ROBO2: variants seen among roughly 807,000 people sequenced by gnomAD.
ROBO2 encodes the protein roundabout guidance receptor 2, also known as roundabout homolog 2.
ROBO2 carries 53 observed loss-of-function variants against 160.8 expected under a neutral mutation model. The observed-to-expected ratio is 0.33, with a 90% CI of 0.26 to 0.41. ROBO2 has a LOEUF of 0.41. Among genes scored for constraint, ROBO2 ranks in the 10% least tolerant of loss-of-function variants. ROBO2 has a pLI of 1.00. For synonymous variants in ROBO2, 664 were observed against 611.7 expected, an observed-to-expected ratio of 1.09 and a Z score of -1.26; for missense variants, 1,577 against 1,722.4, an observed-to-expected ratio of 0.92 and a Z score of 1.49.
chr3:77,251,336 C>T (rs1367328999), intron 2 of ROBO2, among the ~76,000 whole-genome samples: 5 of 152,080 alleles, frequency 3.3e-5, no homozygotes, highest in African/African-American at 4.8e-5. Flanking sequence ...CACCTGGACT[C>T]GCTTGAATTA....
chr3:76,124,044 T>C (rs2070862487), intron 2 of ROBO2, among the ~76,000 whole-genome samples: 1 of 152,122 alleles, frequency 6.6e-6, no homozygotes, highest in Non-Finnish European at 1.5e-5. Context: ...ACGAGGTTTA[T>C]CTTAAAAATA....
chr3:76,579,021 C>T (rs2085485517), intron 2 of ROBO2, among the ~76,000 whole-genome samples: 1 of 152,128 alleles, frequency 6.6e-6, no homozygotes, highest in Admixed American at 6.5e-5. Context: ...CTTGAAAAAT[C>T]ATACCAAGTC....
At chr3:76,883,727 A>G (rs2073598724) in intron 2 of ROBO2, among the ~76,000 whole-genome samples, 2 of 152,238 alleles carry the variant, frequency 1.3e-5, no homozygotes, top group Non-Finnish European at 1.5e-5. Flanking sequence ...TGTCTAAGGC[A>G]TAGCTACTGT....
chr3:76,240,015 A>T (rs150192497), intron 2 of ROBO2, among the ~76,000 whole-genome samples: 1 of 152,218 alleles, frequency 6.6e-6, no homozygotes, highest in African/African-American at 2.4e-5. Flanking sequence ...GTTGCCAAGG[A>T]GGGAGGTGGA....
intron 2 of ROBO2, among the ~76,000 whole-genome samples, chr3:76,933,414 C>A (rs1191725325): frequency 6.6e-6 from 1 of 152,298 alleles, no homozygotes; most frequent in South Asian, 2.1e-4. Context: ...AATTTTAAAA[C>A]TTCCTGACAT....
At chr3:76,302,657 T>G (rs1455585033) in intron 2 of ROBO2, among the ~76,000 whole-genome samples, 2 of 152,102 alleles carry the variant, frequency 1.3e-5, no homozygotes, top group East Asian at 3.9e-4. Context: ...TACAATTGCC[T>G]AGAGTATCTA....
intron 2 of ROBO2, among the ~76,000 whole-genome samples, chr3:77,182,174 C>T (rs138893381): frequency 6.6e-6 from 1 of 152,120 alleles, no homozygotes; most frequent in South Asian, 2.1e-4. Context: ...GATTAAAGTA[C>T]TGCCTATCAA....
chr3:77,036,203 T>C (rs1179472442), upstream of ROBO2, among the ~76,000 whole-genome samples: 2 of 151,956 alleles, frequency 1.3e-5, no homozygotes. Context: ...ACAATGGGAA[T>C]AGTATCAACC....
chr3:77,277,161 T>TTTCTTTCTTTCTTTCTTTC (rs1560407833), intron 2 of ROBO2, among the ~76,000 whole-genome samples: 17 of 86,640 alleles, frequency 2.0e-4, no homozygotes, highest in African/African-American at 6.4e-4. Context: ...TCTTTCCTTC[T>TTTCTTTCTTTCTTTCTTTC]TTCTTTCTTT....
intron 2 of ROBO2, among the ~76,000 whole-genome samples, chr3:77,017,005 C>T (rs1325128449): frequency 6.6e-6 from 1 of 152,056 alleles, no homozygotes; most frequent in Non-Finnish European, 1.5e-5. Flanking sequence ...ACTTTTCTGC[C>T]ACTTCTAAAT....
intron 14 of ROBO2, among the ~76,000 whole-genome samples, chr3:77,575,756 C>T (rs377206628): frequency 5.9e-5 from 9 of 152,190 alleles, no homozygotes; most frequent in East Asian, 1.9e-4. Context: ...CTTTATTCAT[C>T]GTTAAATTTC....
chr3:76,655,062 A>C (rs1466864377), intron 2 of ROBO2, among the ~76,000 whole-genome samples: 1 of 151,106 alleles, frequency 6.6e-6, no homozygotes, highest in Non-Finnish European at 1.5e-5. Flanking sequence ...TCTTTGGTTA[A>C]AGTTGAAAAA....
intron 1 of ROBO2, among the ~76,000 whole-genome samples, chr3:75,932,862 C>A (rs574145431): frequency 6.6e-6 from 1 of 151,956 alleles, no homozygotes; most frequent in African/African-American, 2.4e-5. Context: ...GCACGATGGC[C>A]TAGAGTCATA....
At chr3:76,389,137 A>G (rs537003760) in intron 2 of ROBO2, among the ~76,000 whole-genome samples, 20 of 152,354 alleles carry the variant, frequency 1.3e-4, no homozygotes, top group African/African-American at 4.8e-4. Flanking sequence ...TACCTTATAC[A>G]TTGATTTTGG....
chr3:76,857,051 T>C (rs1559609663), intron 2 of ROBO2, among the ~76,000 whole-genome samples: 1 of 151,850 alleles, frequency 6.6e-6, no homozygotes, highest in African/African-American at 2.4e-5. Flanking sequence ...AGTGGTGTGA[T>C]CTCGGCTCAC....
At chr3:76,153,936 G>A (rs1046338516) in intron 2 of ROBO2, among the ~76,000 whole-genome samples, 1 of 152,070 alleles carries the variant, frequency 6.6e-6, no homozygotes, top group African/African-American at 2.4e-5. Flanking sequence ...TGGATATATT[G>A]ATAGTACTTC....
At chr3:77,301,892 CTTTT>C (rs374739677) in intron 2 of ROBO2, among the ~76,000 whole-genome samples, 1,830 of 142,134 alleles carry the variant, frequency 0.013, 17 homozygotes, top group Middle Eastern at 0.046. Context: ...TTTTTTTTTT[CTTTT>C]TTAAGTTATT....
chr3:77,392,245 A>G (rs907027574), intron 2 of ROBO2, among the ~76,000 whole-genome samples: 3 of 152,200 alleles, frequency 2.0e-5, no homozygotes, highest in African/African-American at 7.2e-5. Context: ...TTAAATTGCT[A>G]AAATTCAACC....
At chr3:77,331,694 CTTAT>C (rs34762129) in intron 2 of ROBO2, among the ~76,000 whole-genome samples, 44 of 150,266 alleles carry the variant, frequency 2.9e-4, no homozygotes, top group Non-Finnish European at 4.7e-4. Flanking sequence ...TATTTATTTA[CTTAT>C]TTATTTATTT....
Sources: gnomAD v4.1 joint callset for allele counts (sites outside exome capture counted in the v4.1 genomes callset) on GRCh38, gnomAD v4.1.1 for gene constraint, MANE v1.5 for transcripts, NCBI Gene and HGNC (gene_info 2026-07-23, HGNC 2026-07-21) for gene names.